SORCS2: variants seen among roughly 807,000 people sequenced by gnomAD.
The protein encoded by SORCS2 is sortilin related VPS10 domain containing receptor 2.
In SORCS2, 100 loss-of-function variants were observed where a neutral mutation model predicts 141.6. That is an observed-to-expected ratio of 0.71 (90% CI 0.60 to 0.83). SORCS2 has a LOEUF of 0.83. SORCS2 is among the 40% of genes least tolerant of loss of function. SORCS2 has a pLI of 0.00. For synonymous variants in SORCS2, 789 were observed against 676.9 expected (o/e 1.17, Z -2.57); for missense variants, 1,646 against 1,560.2 (o/e 1.05, Z -0.93).
chr4:7,595,895 A>G (rs1717244952), intron 3 of SORCS2, among the ~76,000 whole-genome samples: 1 of 152,190 alleles, frequency 6.6e-6, no homozygotes, highest in African/African-American at 2.4e-5. Flanking sequence ...CTCTGACCTC[A>G]GTGGGGCTCT....
chr4:7,661,122 TAAAAC>T (rs1178568105), intron 5 of SORCS2, among the ~76,000 whole-genome samples: 1 of 151,966 alleles, frequency 6.6e-6, no homozygotes, highest in East Asian at 1.9e-4. Flanking sequence ...ATGATCAAAA[TAAAAC>T]AAAACAAACA....
intron 9 of SORCS2, among the ~76,000 whole-genome samples, chr4:7,676,565 C>A (rs936586916): frequency 6.6e-6 from 1 of 152,170 alleles, no homozygotes; most frequent in Non-Finnish European, 1.5e-5. Context: ...AGCTCTCTCA[C>A]AAGCCCTCAT....
chr4:7,448,627 TTC>T lies in SORCS2; in HGVS notation c.548+52273_548+52274del, dbSNP rs1728170139. Among the ~76,000 whole-genome samples, 6 of 126,598 alleles carry T rather than the reference TTC, an allele frequency of 4.7e-5. No homozygotes were observed. In the Admixed American group the frequency reaches 4.7e-4, roughly 10 times the overall value. The allele number at this position is 126,598 out of a possible 152,430, so 83.1% of individuals were successfully genotyped here. On this transcript the variant is annotated intron_variant, in intron 2 of 26. Coordinates refer to ENST00000507866, the MANE Select transcript of SORCS2 (RefSeq NM_020777.3). ...ATCCCTTCCTTCCTTCCTTCCTTCCTTCCTTATTTCTTGCCTGCCTTCCTGAC... is the reference window on the plus strand; with the variant it reads ...ATCCCTTCCTTCCTTCCTTCCTTCCTCTTATTTCTTGCCTGCCTTCCTGAC...
intron 2 of SORCS2, among the ~76,000 whole-genome samples, chr4:7,525,941 C>T (rs1169954913): frequency 8.0e-6 from 1 of 124,462 alleles, no homozygotes; most frequent in African/African-American, 3.2e-5. Context: ...CCTGTCCCCT[C>T]CTCAGTCACC....
At chr4:7,415,115 G>T (rs1265508712) in intron 2 of SORCS2, among the ~76,000 whole-genome samples, 1 of 152,216 alleles carries the variant, frequency 6.6e-6, no homozygotes, top group Non-Finnish European at 1.5e-5. Flanking sequence ...GCTGGGAGCT[G>T]CCGGGGTTTT....
chr4:7,697,311 C>T lies in SORCS2; in HGVS notation c.1668+37C>T, dbSNP rs760617103. ...GGGAGGTGCCTGGTACCCCCCACCCCATCCAGCCGGGACCCTCAGGAGACA... is the reference window on the plus strand; with the variant it reads ...GGGAGGTGCCTGGTACCCCCCACCCTATCCAGCCGGGACCCTCAGGAGACA... On this transcript the variant is annotated intron_variant, in intron 12 of 26. Coordinates refer to ENST00000507866, the MANE Select transcript of SORCS2 (RefSeq NM_020777.3). The T allele has an allele frequency of 1.2e-5, 19 of 1,527,102 alleles. No homozygotes were observed. In the South Asian group the frequency reaches 2.0e-4, roughly 16 times the overall value. 94.6% of individuals were successfully genotyped at this position (1,527,102 alleles called of 1,614,324 possible).
At chr4:7,535,300 C>T (rs1299904272) in intron 3 of SORCS2, among the ~76,000 whole-genome samples, 2 of 152,232 alleles carry the variant, frequency 1.3e-5, no homozygotes, top group Non-Finnish European at 2.9e-5. Flanking sequence ...GAACTGCTGT[C>T]TCGGAGGCAG....
At chr4:7,409,298 G>A (rs1338757981) in intron 2 of SORCS2, among the ~76,000 whole-genome samples, 1 of 152,222 alleles carries the variant, frequency 6.6e-6, no homozygotes, top group Non-Finnish European at 1.5e-5. Context: ...AAGGACTGGA[G>A]TGCTGCCTTT....
At chr4:7,370,181 G>A (rs760939158) in intron 1 of SORCS2, among the ~76,000 whole-genome samples, 3 of 152,164 alleles carry the variant, frequency 2.0e-5, no homozygotes, top group Non-Finnish European at 4.4e-5. Context: ...GGGAGACTGT[G>A]CCCAGAGAGG....
At chr4:7,365,343 G>A (rs1042730431) in intron 1 of SORCS2, among the ~76,000 whole-genome samples, 2 of 152,110 alleles carry the variant, frequency 1.3e-5, no homozygotes, top group African/African-American at 4.8e-5. Context: ...GGTCACTTAG[G>A]CATGCATGTG....
intron 2 of SORCS2, among the ~76,000 whole-genome samples, chr4:7,485,118 T>C (rs1730894784): frequency 6.6e-6 from 1 of 152,030 alleles, no homozygotes; most frequent in African/African-American, 2.4e-5. Flanking sequence ...CTCCTGAGGG[T>C]CTCACTCCAC....
intron 2 of SORCS2, among the ~76,000 whole-genome samples, chr4:7,421,254 G>T (rs779625854): frequency 6.6e-6 from 1 of 152,204 alleles, no homozygotes; most frequent in Non-Finnish European, 1.5e-5. Flanking sequence ...CGTTTCCCAC[G>T]AGAGTCCCTG....
At chr4:7,718,207 C>T (rs143554814) in intron 18 of SORCS2, 24 bp downstream of exon 18, 338 of 1,599,194 alleles carry the variant, frequency 2.1e-4, no homozygotes, top group Non-Finnish European at 2.7e-4. Context: ...TCCCAGCAGG[C>T]TCCTGGGACT....
At chr4:7,235,402 T>A (rs913274378) in intron 1 of SORCS2, among the ~76,000 whole-genome samples, 1 of 152,186 alleles carries the variant, frequency 6.6e-6, no homozygotes, top group Non-Finnish European at 1.5e-5. Flanking sequence ...GAGCAAGAAA[T>A]GGAGGCTCAG....
intron 1 of SORCS2, among the ~76,000 whole-genome samples, chr4:7,198,975 C>T (rs1399987617): frequency 1.3e-5 from 2 of 152,164 alleles, no homozygotes; most frequent in East Asian, 3.9e-4. Flanking sequence ...GGTGTTGTGC[C>T]CAGAACCCTC....
chr4:7,205,775 G>A (rs1727697047), intron 1 of SORCS2, among the ~76,000 whole-genome samples: 1 of 152,246 alleles, frequency 6.6e-6, no homozygotes. Context: ...GGACGCGGTG[G>A]CTCACGCCCG....
In SORCS2 at chr4:7,694,150, G is replaced by A. The variant is rs1724444903; in HGVS notation, c.1592-3048G>A. 1.3e-5 allele frequency among the ~76,000 whole-genome samples: 2 copies of A among 152,232 alleles called. 1 individual carries two copies. The highest frequency in any genetic ancestry group is 4.1e-4 in the South Asian group (2 of 4,828). On this transcript the variant is annotated intron_variant, in intron 11 of 26. Coordinates refer to ENST00000507866, the MANE Select transcript of SORCS2 (RefSeq NM_020777.3). ...CTGGCTGCAGGGGCAGAGGAAGGATGGAGAGGAAGCATGTCTTCATTCAGT... is the reference window on the plus strand; with the variant it reads ...CTGGCTGCAGGGGCAGAGGAAGGATAGAGAGGAAGCATGTCTTCATTCAGT...
chr4:7,575,861 A>G (rs182840963), intron 3 of SORCS2, among the ~76,000 whole-genome samples: 1 of 152,324 alleles, frequency 6.6e-6, no homozygotes, highest in Non-Finnish European at 1.5e-5. Context: ...TTAGGGTCCA[A>G]TATTTGTAGT....
At chr4:7,624,985 C>T (rs1208457481) in intron 3 of SORCS2, among the ~76,000 whole-genome samples, 3 of 152,154 alleles carry the variant, frequency 2.0e-5, no homozygotes, top group Non-Finnish European at 4.4e-5. Flanking sequence ...TACAAAATAT[C>T]GATGATGAGT....
Sources: allele counts gnomAD v4.1 joint callset (sites outside exome capture counted in the v4.1 genomes callset), GRCh38; gene constraint gnomAD v4.1.1; transcripts MANE v1.5; gene names NCBI Gene and HGNC (gene_info 2026-07-23, HGNC 2026-07-21).